PTPN2: variants seen among roughly 807,000 people sequenced by gnomAD.
PTPN2 encodes the protein protein tyrosine phosphatase non-receptor type 2, also known as tyrosine-protein phosphatase non-receptor type 2.
In PTPN2, 19 loss-of-function variants were observed where a neutral mutation model predicts 57.3. The ratio of observed to expected loss-of-function variants is 0.33; its 90% CI spans 0.23 to 0.49. PTPN2 has a LOEUF of 0.49. Among genes scored for constraint, PTPN2 ranks in the 20% least tolerant of loss-of-function variants. The pLI, the probability that PTPN2 is intolerant of heterozygous loss-of-function variation, is 0.99. For synonymous variants in PTPN2, 153 were observed against 164.9 expected (o/e 0.93, Z 0.55); for missense variants, 358 against 501.1 (o/e 0.71, Z 2.73).
intron 1 of PTPN2, among the ~76,000 whole-genome samples, chr18:12,882,387 T>G (rs796207461): frequency 6.6e-6 from 1 of 152,258 alleles, no homozygotes; most frequent in Non-Finnish European, 1.5e-5. Flanking sequence ...GGATGCGAGT[T>G]AAGTTCATTT....
intron 1 of PTPN2, among the ~76,000 whole-genome samples, chr18:12,860,271 A>C (rs1220214584): frequency 6.6e-6 from 1 of 151,414 alleles, no homozygotes; most frequent in Admixed American, 6.6e-5. Flanking sequence ...TCTGGGCGAC[A>C]GAGTGAGACT....
chr18:12,866,580 G>C (rs1407576044), intron 1 of PTPN2, among the ~76,000 whole-genome samples: 1 of 152,214 alleles, frequency 6.6e-6, no homozygotes, highest in Non-Finnish European at 1.5e-5. Flanking sequence ...ATGTGGGTGA[G>C]AATGGAGAAT....
At chr18:12,860,882 A>C (rs1352467879) in intron 1 of PTPN2, among the ~76,000 whole-genome samples, 1 of 152,226 alleles carries the variant, frequency 6.6e-6, no homozygotes, top group Non-Finnish European at 1.5e-5. Context: ...TGTTCTAAGA[A>C]TTCAAGTAAA....
chr18:12,810,461 T>G (rs2041853694), intron 7 of PTPN2, among the ~76,000 whole-genome samples: 1 of 152,204 alleles, frequency 6.6e-6, no homozygotes, highest in Admixed American at 6.5e-5. Flanking sequence ...TTTAATTTTT[T>G]TAGAGATGGG....
At chr18:12,803,504 A>C (rs2041506082) in intron 7 of PTPN2, among the ~76,000 whole-genome samples, 1 of 152,230 alleles carries the variant, frequency 6.6e-6, no homozygotes. Flanking sequence ...CAAGACACTC[A>C]CTTCACCTGT....
Position 12,882,586 on chromosome 18 carries a change from G to A in PTPN2, c.69+1487C>T, listed in dbSNP as rs191896590. ...AGCCTCTGCTAAAACAAATGTAACT[G>A]GAGAAGATGCAGCTGGCAGGCTCTC... On this transcript the variant is annotated intron_variant, in intron 1 of 8. Transcript: ENST00000309660. Among the ~76,000 whole-genome samples the A allele has an allele frequency of 3.8e-3, 573 of 152,312 alleles. 1 individual carries two copies. Among genetic ancestry groups the A allele is most frequent in the Non-Finnish European group, 5.1e-3 (347 of 68,028 alleles).
chr18:12,836,407 G>A (rs563322615), intron 3 of PTPN2, among the ~76,000 whole-genome samples: 7 of 152,346 alleles, frequency 4.6e-5, no homozygotes, highest in Admixed American at 2.0e-4. Context: ...ATATATGCGA[G>A]GCAGGGGGAG....
intron 7 of PTPN2, among the ~76,000 whole-genome samples, chr18:12,805,690 G>A (rs1404331460): frequency 6.8e-6 from 1 of 146,720 alleles, no homozygotes; most frequent in Non-Finnish European, 1.5e-5. Flanking sequence ...CCAGGCTGGA[G>A]TGCAGTGGCA....
At chr18:12,869,781 GTTTC>G (rs1394767441) in intron 1 of PTPN2, among the ~76,000 whole-genome samples, 3 of 152,088 alleles carry the variant, frequency 2.0e-5, no homozygotes, top group African/African-American at 7.2e-5. Flanking sequence ...ACATACCTAA[GTTTC>G]TTTCTTTATA....
intron 1 of PTPN2, among the ~76,000 whole-genome samples, chr18:12,868,609 A>G (rs1001807364): frequency 6.6e-6 from 1 of 150,936 alleles, no homozygotes; most frequent in African/African-American, 2.4e-5. Context: ...TATTTACACA[A>G]TTATGCCTAA....
At chr18:12,806,503 G>A (rs1345319063) in intron 7 of PTPN2, among the ~76,000 whole-genome samples, 1 of 152,056 alleles carries the variant, frequency 6.6e-6, no homozygotes, top group African/African-American at 2.4e-5. Flanking sequence ...AAGCAATTTT[G>A]AGCAAAAAGC....
At chr18:12,791,195 T>C (rs911192867), downstream of PTPN2, among the ~76,000 whole-genome samples, 3 of 152,224 alleles carry the variant, frequency 2.0e-5, no homozygotes, top group Admixed American at 6.5e-5. Flanking sequence ...ATATATAACT[T>C]GTTGGTGTAG....
At chr18:12,876,315 A>AAGAAGAAGAAGAAAT (rs1555681239) in intron 1 of PTPN2, among the ~76,000 whole-genome samples, 25 of 151,024 alleles carry the variant, frequency 1.7e-4, no homozygotes, top group African/African-American at 6.2e-4. Flanking sequence ...GAAGAAGAAG[A>AAGAAGAAGAAGAAAT]AATTTGTCAG....
rs1260203248 is a variant in PTPN2, at chr18:12,792,990, G to C, written c.*1288C>G. On this transcript the variant is annotated 3_prime_UTR_variant, in exon 9 of 9. Transcript: ENST00000309660. ...GAGACAAGGCAGAGATGCTGTGGTTGAAAGTAACCTCTTGACCCACCTGGA... is the reference window on the plus strand; with the variant it reads ...GAGACAAGGCAGAGATGCTGTGGTTCAAAGTAACCTCTTGACCCACCTGGA... 4.1e-6 allele frequency: 4 copies of C among 984,514 alleles called. No individual in the cohort carries two copies. The highest frequency in any genetic ancestry group is 4.8e-6 in the Non-Finnish European group (4 of 829,232). 61.0% of individuals were successfully genotyped at this position (984,514 alleles called of 1,614,324 possible).
chr18:12,859,083 C>T, intron 2 of PTPN2, 81 bp downstream of exon 2: 1 of 1,022,984 alleles, frequency 9.8e-7, no homozygotes, highest in Non-Finnish European at 1.5e-6. Flanking sequence ...CAACACTGAC[C>T]CCAAGCCCTC....
At chr18:12,814,174 A>G (rs781056280) in intron 7 of PTPN2, 29 bp downstream of exon 7, 4 of 1,482,202 alleles carry the variant, frequency 2.7e-6, no homozygotes, top group African/African-American at 1.4e-5. Flanking sequence ...TAACAAATAG[A>G]TATGATTTAA....
intron 2 of PTPN2, among the ~76,000 whole-genome samples, chr18:12,852,232 ATT>A (rs1361290760): frequency 4.0e-5 from 6 of 151,740 alleles, no homozygotes; most frequent in South Asian, 2.1e-4. Context: ...ACACACACAG[ATT>A]GTTTCATGGC....
chr18:12,871,366 G>A (rs1462388123), intron 1 of PTPN2, among the ~76,000 whole-genome samples: 1 of 151,986 alleles, frequency 6.6e-6, no homozygotes, highest in Non-Finnish European at 1.5e-5. Flanking sequence ...ATCTTTGTCT[G>A]ATAGGTGAAA....
intron 4 of PTPN2, among the ~76,000 whole-genome samples, chr18:12,827,311 C>A (rs1298140962): frequency 6.6e-6 from 1 of 150,542 alleles, no homozygotes; most frequent in Non-Finnish European, 1.5e-5. Context: ...GCACTGCACT[C>A]CAGCCTGGGC....
Sources: gnomAD v4.1 joint callset for allele counts (sites outside exome capture counted in the v4.1 genomes callset) on GRCh38, gnomAD v4.1.1 for gene constraint, MANE v1.5 for transcripts, NCBI Gene and HGNC (gene_info 2026-07-23, HGNC 2026-07-21) for gene names.